The following SAMD5 variants were observed in gnomAD, a reference collection of about 807,000 sequenced individuals.
SAMD5 encodes the protein sterile alpha motif domain containing 5, also known as sterile alpha motif domain-containing protein 5.
SAMD5 carries 13 observed loss-of-function variants against 11.3 expected under a neutral mutation model. The ratio of observed to expected loss-of-function variants is 1.15; its 90% CI spans 0.75 to 1.83. SAMD5 has a LOEUF of 1.83. SAMD5 is among the 40% of genes most tolerant of loss of function. SAMD5 has a pLI of 0.00. For synonymous variants in SAMD5, 129 were observed against 111.3 expected (o/e 1.16, Z -1.00); for missense variants, 255 against 239.1 (o/e 1.07, Z -0.44).
At chr6:147,619,431 T>TGCAGATACTCATGAGGCAGAAAC (rs1562335147) in intron 1 of SAMD5, among the ~76,000 whole-genome samples, 11 of 152,302 alleles carry the variant, frequency 7.2e-5, no homozygotes, top group Non-Finnish European at 1.5e-4. Context: ...ATGGCAGATA[T>TGCAGATACTCATGAGGCAGAAAC]GCAGATACTC....
chr6:147,833,276 A>G, the SAMD5 span, among the ~76,000 whole-genome samples: 1 of 152,190 alleles, frequency 6.6e-6, no homozygotes, highest in Admixed American at 6.5e-5. Flanking sequence ...GCACCTATTT[A>G]TGATTACAGT....
chr6:147,845,046 C>G, the SAMD5 span, among the ~76,000 whole-genome samples: 2 of 152,004 alleles, frequency 1.3e-5, no homozygotes, highest in Non-Finnish European at 2.9e-5. Context: ...TGCTGAGTAC[C>G]CTGATTTGAT....
At chr6:147,791,527 A>G in the SAMD5 span, among the ~76,000 whole-genome samples, 1 of 152,140 alleles carries the variant, frequency 6.6e-6, no homozygotes, top group African/African-American at 2.4e-5. Flanking sequence ...TTGTCTACTC[A>G]TAACTGTTAG....
chr6:147,700,710 A>G (rs192538081), intron 1 of SAMD5, among the ~76,000 whole-genome samples: 2 of 152,378 alleles, frequency 1.3e-5, no homozygotes, highest in Admixed American at 1.3e-4. Flanking sequence ...TCTTTTATCA[A>G]AAGGACTTGG....
At chr6:147,949,787 G>T in the SAMD5 span, among the ~76,000 whole-genome samples, 9 of 152,226 alleles carry the variant, frequency 5.9e-5, no homozygotes, top group African/African-American at 2.2e-4. Context: ...ATGTGATATG[G>T]ATAACTAAAA....
the SAMD5 span, among the ~76,000 whole-genome samples, chr6:147,894,194 G>A: frequency 1.3e-5 from 2 of 148,240 alleles, no homozygotes; most frequent in South Asian, 2.1e-4. Flanking sequence ...CACAATCTCC[G>A]CTTACTGCAA....
At chr6:147,732,383 T>C (rs1022261964) in intron 1 of SAMD5, among the ~76,000 whole-genome samples, 25 of 152,332 alleles carry the variant, frequency 1.6e-4, no homozygotes, top group African/African-American at 5.3e-4. Flanking sequence ...TGCTAATAAT[T>C]CTCTAATTTA....
chr6:147,726,396 C>T (rs1404523543), intron 1 of SAMD5, among the ~76,000 whole-genome samples: 2 of 152,096 alleles, frequency 1.3e-5, no homozygotes, highest in Non-Finnish European at 2.9e-5. Context: ...GATAATCCTG[C>T]AAAAAAGCAG....
the SAMD5 span, among the ~76,000 whole-genome samples, chr6:147,839,772 A>G: frequency 4.2e-4 from 64 of 152,152 alleles, no homozygotes; most frequent in African/African-American, 1.5e-3. Context: ...AAAGGTAAAA[A>G]CATGGATAGT....
chr6:147,753,382 C>A, the SAMD5 span, among the ~76,000 whole-genome samples: 1 of 152,270 alleles, frequency 6.6e-6, no homozygotes, highest in South Asian at 2.1e-4. Context: ...ACAATATTTT[C>A]ATTTTATTTC....
the SAMD5 span, among the ~76,000 whole-genome samples, chr6:147,798,288 A>T: frequency 1.3e-5 from 2 of 150,570 alleles, no homozygotes; most frequent in African/African-American, 5.0e-5. Flanking sequence ...CATTTGTTTC[A>T]AAGAACATCT....
At chr6:147,805,113 T>C in the SAMD5 span, among the ~76,000 whole-genome samples, 1 of 152,260 alleles carries the variant, frequency 6.6e-6, no homozygotes, top group Non-Finnish European at 1.5e-5. Context: ...ATGGGGTTTA[T>C]TGCAAAGGAG....
the SAMD5 span, among the ~76,000 whole-genome samples, chr6:147,814,669 G>A: frequency 6.6e-6 from 1 of 152,116 alleles, no homozygotes; most frequent in Non-Finnish European, 1.5e-5. Context: ...ATACTTAAGA[G>A]GCACTAGGGG....
chr6:147,693,754 A>G lies in SAMD5; in HGVS notation c.163-43563A>G, dbSNP rs529915800. On this transcript the variant is annotated intron_variant, in intron 1 of 1. Transcript: ENST00000566741. ...GCCAAGGTAGGCGGGGGATCACCTG[A>G]GGTCAGGAGTTCAAGACCAGCCTGG... is the stretch of plus-strand genomic sequence containing the variant. Among the ~76,000 whole-genome samples, 4 of 152,184 alleles carry G rather than the reference A, an allele frequency of 2.6e-5. No individual in the cohort carries two copies. In the East Asian group the frequency reaches 7.8e-4, roughly 30 times the overall value.
the SAMD5 span, among the ~76,000 whole-genome samples, chr6:147,830,251 C>CTTTTTTTTTTTTT: frequency 6.9e-4 from 59 of 84,932 alleles, no homozygotes; most frequent in South Asian, 9.6e-4. Context: ...TTCTTTCTTT[C>CTTTTTTTTTTTTT]TTTTTTTTTT....
At chr6:147,700,668 C>G (rs924454710) in intron 1 of SAMD5, among the ~76,000 whole-genome samples, 2 of 152,238 alleles carry the variant, frequency 1.3e-5, no homozygotes, top group Non-Finnish European at 2.9e-5. Flanking sequence ...CTGGAAGTAA[C>G]AGCAAGTCTA....
the SAMD5 span, among the ~76,000 whole-genome samples, chr6:147,829,645 A>G: frequency 1.3e-5 from 2 of 152,188 alleles, no homozygotes; most frequent in Non-Finnish European, 2.9e-5. Context: ...ATGCATGCAC[A>G]TTTAGATCAA....
At chr6:147,739,812 C>CATATT (rs1791853376), downstream of SAMD5, among the ~76,000 whole-genome samples, 1 of 151,774 alleles carries the variant, frequency 6.6e-6, no homozygotes, top group African/African-American at 2.4e-5. Flanking sequence ...TTTGTATTTT[C>CATATT]TTATTTTATT....
chr6:147,844,326 C>T, the SAMD5 span, among the ~76,000 whole-genome samples: 1 of 152,030 alleles, frequency 6.6e-6, no homozygotes, highest in Non-Finnish European at 1.5e-5. Context: ...TGGCTATTAT[C>T]AAAAAGATGA....
Sources: gnomAD v4.1 joint callset for allele counts (sites outside exome capture counted in the v4.1 genomes callset) on GRCh38, gnomAD v4.1.1 for gene constraint, MANE v1.5 for transcripts, NCBI Gene and HGNC (gene_info 2026-07-23, HGNC 2026-07-21) for gene names.